Variants in MMP26 observed in about 807,000 individuals in gnomAD.
MMP26 encodes the protein matrix metalloproteinase-26.
MMP26 carries 33 observed loss-of-function variants against 31.0 expected under a neutral mutation model. The observed-to-expected ratio is 1.06, with a 90% confidence interval of 0.81 to 1.42. MMP26 has a LOEUF of 1.42. MMP26 is among the 40% of genes most tolerant of loss of function. MMP26 has a pLI of 0.00. For synonymous variants in MMP26, 122 were observed against 114.9 expected (o/e 1.06, Z -0.40); for missense variants, 347 against 316.1 (o/e 1.10, Z -0.74).
rs115388605 is a variant in MMP26 at position 4,841,873 on chromosome 11, T to C, written c.-145+74532T>C. On this transcript the variant is annotated intron_variant, in intron 2 of 7. Coordinates refer to ENST00000380390, the MANE Select transcript of MMP26 (RefSeq NM_021801.5). The stretch of plus-strand genomic sequence containing the variant: ...ACTTGAACCTCAGTGGCAGAGGTTG[T>C]GGTGAGCCAAGATCACGCCACTGCA... 5.4e-3 allele frequency among the ~76,000 whole-genome samples: 824 copies of C among 152,256 alleles called. 10 individuals carry two copies. Among genetic ancestry groups the C allele is most frequent in the African/African-American group, 0.018 (757 of 41,556 alleles).
intron 1 of MMP26, 144 bp downstream of exon 1, chr11:4,705,189 C>G (rs1195756387): frequency 1.3e-5 from 2 of 152,086 alleles, no homozygotes; most frequent in African/African-American, 4.8e-5. Flanking sequence ...TATGTCAACT[C>G]AAAAATATCG....
At chr11:4,963,999 G>C (rs1052883469) in intron 2 of MMP26, among the ~76,000 whole-genome samples, 2 of 151,810 alleles carry the variant, frequency 1.3e-5, no homozygotes, top group Non-Finnish European at 2.9e-5. Context: ...TCCCATAGAC[G>C]CTGGATATTA....
intron 2 of MMP26, among the ~76,000 whole-genome samples, chr11:4,840,698 GAAGGATGGGTAC>G (rs1849781962): frequency 6.6e-6 from 1 of 152,150 alleles, no homozygotes; most frequent in Non-Finnish European, 1.5e-5. Context: ...GCCATCCCAA[GAAGGATGGGTAC>G]AAAGAAGCCC....
At chr11:4,928,671 G>C (rs951538713) in intron 2 of MMP26, among the ~76,000 whole-genome samples, 4 of 151,918 alleles carry the variant, frequency 2.6e-5, no homozygotes, top group Non-Finnish European at 4.4e-5. Flanking sequence ...TTTCACGTAA[G>C]TCTTAGATAA....
intron 2 of MMP26, among the ~76,000 whole-genome samples, chr11:4,947,883 T>C (rs1268490218): frequency 8.0e-6 from 1 of 125,256 alleles, no homozygotes; most frequent in Non-Finnish European, 1.8e-5. Context: ...TGGTAAATTA[T>C]CTGCAAAACT....
intron 2 of MMP26, among the ~76,000 whole-genome samples, chr11:4,964,964 T>C (rs1846572005): frequency 6.6e-6 from 1 of 152,272 alleles, no homozygotes; most frequent in South Asian, 2.1e-4. Context: ...GAATAGCTAA[T>C]GGATGTTGGG....
At chr11:4,797,978 C>T (rs1218482530) in intron 2 of MMP26, among the ~76,000 whole-genome samples, 2 of 152,194 alleles carry the variant, frequency 1.3e-5, no homozygotes, top group Admixed American at 1.3e-4. Flanking sequence ...TCTGTTTCCT[C>T]ATCTACAAAG....
intron 2 of MMP26, among the ~76,000 whole-genome samples, chr11:4,775,261 A>T (rs1848776212): frequency 6.6e-6 from 1 of 152,222 alleles, no homozygotes; most frequent in Non-Finnish European, 1.5e-5. Flanking sequence ...ATCCATGAAC[A>T]TGGAATATTT....
chr11:4,797,197 A>G (rs1033422017), intron 2 of MMP26, among the ~76,000 whole-genome samples: 1 of 152,164 alleles, frequency 6.6e-6, no homozygotes, highest in Non-Finnish European at 1.5e-5. Context: ...ATTACAAAAC[A>G]TGACTGTTGA....
chr11:4,857,921 A>C (rs1850079379), intron 2 of MMP26, among the ~76,000 whole-genome samples: 2 of 152,202 alleles, frequency 1.3e-5, no homozygotes, highest in African/African-American at 2.4e-5. Context: ...CTGGTTCGAC[A>C]TATGCAAATC....
In MMP26 at chr11:4,953,686, G is replaced by T. The variant is rs542306901; in HGVS notation, c.-144-34382G>T. Among the ~76,000 whole-genome samples, 9 of 125,914 alleles carry T rather than the reference G, an allele frequency of 7.1e-5. 3 individuals carry two copies. The South Asian group carries it at 2.1e-3, about 30-fold the overall frequency. 82.6% of individuals were successfully genotyped at this position (125,914 alleles called of 152,430 possible). A position where few individuals can be genotyped will look rare whatever the true frequency, so the allele number is the denominator to read the frequency against. On this transcript the variant is annotated intron_variant, in intron 2 of 7. Coordinates refer to ENST00000380390, the MANE Select transcript of MMP26 (RefSeq NM_021801.5). The stretch of plus-strand genomic sequence containing the variant: ...AAAAACGATTCAGTAGGTCAATGTG[G>T]CTGGAGATTAATGAATATCTGATGA...
intron 2 of MMP26, among the ~76,000 whole-genome samples, chr11:4,776,115 AAC>A (rs1848788153): frequency 6.6e-6 from 1 of 152,078 alleles, no homozygotes; most frequent in African/African-American, 2.4e-5. Context: ...TTTGCTTCAA[AAC>A]ACAGAGTTTT....
chr11:4,901,149 CTTTTTTTTTTT>C (rs55678976), intron 2 of MMP26, among the ~76,000 whole-genome samples: 914 of 84,526 alleles, frequency 0.011, 21 homozygotes, highest in African/African-American at 0.038. Flanking sequence ...CCTCTTTGTG[CTTTTTTTTTTT>C]TTTTTTTTTT....
At chr11:4,719,541 T>G (rs1260587216) in intron 1 of MMP26, 2 of 153,368 alleles carry the variant, frequency 1.3e-5, no homozygotes, top group African/African-American at 4.8e-5. Flanking sequence ...AAGTACTCCA[T>G]TGTAGCACGG....
chr11:4,933,532 T>TG (rs1851382834), intron 2 of MMP26, among the ~76,000 whole-genome samples: 2 of 143,470 alleles, frequency 1.4e-5, no homozygotes, highest in Admixed American at 1.5e-4. Context: ...TTTTTGTTTT[T>TG]TTTTTTGTTT....
chr11:4,736,266 T>C (rs1848238959), intron 1 of MMP26: 1 of 152,116 alleles, frequency 6.6e-6, no homozygotes, highest in Non-Finnish European at 1.5e-5. Context: ...CAAATATGCA[T>C]TGGCCATAAG....
At chr11:4,766,166 G>A (rs923490251) in intron 1 of MMP26, among the ~76,000 whole-genome samples, 2 of 152,066 alleles carry the variant, frequency 1.3e-5, no homozygotes, top group African/African-American at 4.8e-5. Flanking sequence ...GCTATTCTTC[G>A]GGTTATAGTC....
rs561444040 is a variant in MMP26, at chr11:4,757,910, GA to G, written c.-216-9355del. ...CACATAATACATTGCTTGTGGACATGAAAAATGATACAGCCACTTTGAAAAA... is the reference window on the plus strand; with the variant it reads ...CACATAATACATTGCTTGTGGACATGAAAATGATACAGCCACTTTGAAAAA... On this transcript the variant is annotated intron_variant, in intron 1 of 7. Coordinates refer to ENST00000380390, the MANE Select transcript of MMP26 (RefSeq NM_021801.5). Among the ~76,000 whole-genome samples, 14 of 152,188 alleles carry G rather than the reference GA, an allele frequency of 9.2e-5. No individual in the cohort carries two copies. The East Asian group carries it at 2.7e-3, about 29-fold the overall frequency.
intron 1 of MMP26, chr11:4,752,832 A>T (rs952652106): frequency 6.5e-6 from 1 of 153,272 alleles, no homozygotes; most frequent in African/African-American, 2.4e-5. Context: ...CTCAGTGAGG[A>T]TGACAAAAAG....
Sources: allele counts gnomAD v4.1 joint callset (sites outside exome capture counted in the v4.1 genomes callset), GRCh38; gene constraint gnomAD v4.1.1; transcripts MANE v1.5; gene names NCBI Gene and HGNC (gene_info 2026-07-23, HGNC 2026-07-21).